Variants in TMCC3 observed in about 807,000 individuals in gnomAD.
The protein encoded by TMCC3 is transmembrane and coiled-coil domain protein 3.
In TMCC3, 28 loss-of-function variants were observed where a neutral mutation model predicts 40.2. The ratio of observed to expected loss-of-function variants is 0.70; its 90% confidence interval spans 0.52 to 0.95. The LOEUF (loss-of-function observed/expected upper bound fraction) is 0.95. Among genes scored for constraint, TMCC3 ranks in the 40% least tolerant of loss-of-function variants. The pLI is 0.00. For missense variants in TMCC3, 554 were observed against 615.2 expected (o/e 0.90, Z 1.05); for synonymous variants, 255 against 248.5 (o/e 1.03, Z -0.25).
chr12:94,621,027 C>T (rs1478351726), intron 1 of TMCC3, among the ~76,000 whole-genome samples: 2 of 152,108 alleles, frequency 1.3e-5, no homozygotes, highest in African/African-American at 4.8e-5. Context: ...ATGCCCAGGC[C>T]CTATGAAGGA....
intron 1 of TMCC3, among the ~76,000 whole-genome samples, chr12:94,596,340 G>A (rs1048950059): frequency 3.3e-5 from 5 of 152,188 alleles, no homozygotes. Context: ...CTAATGTCTA[G>A]TTTTTAACCT....
intron 1 of TMCC3, among the ~76,000 whole-genome samples, chr12:94,633,024 T>C (rs2068941635): frequency 6.6e-6 from 1 of 152,092 alleles, no homozygotes; most frequent in Non-Finnish European, 1.5e-5. Flanking sequence ...GAGAATCACT[T>C]GAACCTGAAA....
intron 1 of TMCC3, chr12:94,616,456 A>G (rs2138864575): frequency 6.5e-6 from 1 of 152,718 alleles, no homozygotes; most frequent in Admixed American, 6.5e-5. Flanking sequence ...GAAGTGGCTT[A>G]AAGACAGTGA....
chr12:94,650,306 C>G (rs2069048857), intron 1 of TMCC3, 47 bp downstream of exon 1: 1 of 1,182,456 alleles, frequency 8.5e-7, no homozygotes, highest in Non-Finnish European at 1.1e-6. Flanking sequence ...GCCCGCCTCG[C>G]CCCCGGGCCC....
chr12:94,572,712 C>T (rs111315784), intron 3 of TMCC3, among the ~76,000 whole-genome samples: 19 of 152,334 alleles, frequency 1.2e-4, no homozygotes, highest in African/African-American at 3.8e-4. Flanking sequence ...TTTGTGACTA[C>T]TCCACCTTTC....
chr12:94,571,687 C>T lies in TMCC3; in HGVS notation c.1182G>A (p.Gln394=). ...QTRISKLELH[Q]QEQQALQTDT... is the part of the protein sequence containing the mutation. ...CTGTCTGCAGAGCTTGCTGCTCTTGCTGGTGGAGCTCCAGCTTAGAAATGC... is the reference window on the plus strand; with the variant it reads ...CTGTCTGCAGAGCTTGCTGCTCTTGTTGGTGGAGCTCCAGCTTAGAAATGC... The change falls in exon 4 of 4, where the codon CAG becomes CAA. Residue 394 remains glutamine, a synonymous_variant. Transcript: ENST00000261226. 2 of 1,614,164 alleles carry T rather than the reference C, an allele frequency of 1.2e-6. No individual in the cohort carries two copies. Among genetic ancestry groups the T allele is most frequent in the Non-Finnish European group, 1.7e-6 (2 of 1,180,022 alleles).
Position 94,650,391 on chromosome 12 carries a change from A to G in TMCC3, c.40T>C (p.Tyr14His), listed in dbSNP as rs1432078521. 7.4e-7 allele frequency: 1 copy of G among 1,342,806 alleles called. No individual in the cohort carries two copies. Among genetic ancestry groups the G allele is most frequent in the Non-Finnish European group, 9.6e-7 (1 of 1,039,902 alleles). The allele number at this position is 1,342,806 out of a possible 1,614,324, so 83.2% of individuals were successfully genotyped here. The stretch of plus-strand genomic sequence containing the variant: ...CGGTGGTGCCGGCCGGGGTACGAGT[A>G]GGTCCGGTCCACGGTGAGCGCCGTG... ...SDTALTVDRT[Y>H]SYPGRHHRCK... is the part of the protein sequence containing the mutation. Residue 14 changes from tyrosine (Y) to histidine (H), a missense_variant, in exon 1 of 4, where the codon TAC (tyrosine) becomes CAC (histidine). Coordinates refer to ENST00000261226, the MANE Select transcript of TMCC3 (RefSeq NM_020698.4).
At chr12:94,635,458 G>A (rs1466785986) in intron 1 of TMCC3, among the ~76,000 whole-genome samples, 1 of 152,146 alleles carries the variant, frequency 6.6e-6, no homozygotes, top group East Asian at 1.9e-4. Context: ...TACCATAACA[G>A]TGTTTGCAAA....
intron 1 of TMCC3, among the ~76,000 whole-genome samples, chr12:94,589,590 T>C (rs2068659640): frequency 6.6e-6 from 1 of 152,234 alleles, no homozygotes. Flanking sequence ...ATTATTACTA[T>C]TTTATAAACT....
At chr12:94,607,878 C>G (rs2068792855) in intron 1 of TMCC3, among the ~76,000 whole-genome samples, 1 of 152,218 alleles carries the variant, frequency 6.6e-6, no homozygotes, top group Non-Finnish European at 1.5e-5. Context: ...TCATTCAACT[C>G]AGGATATCAC....
At chr12:94,608,959 C>G (rs748819656) in intron 1 of TMCC3, among the ~76,000 whole-genome samples, 5 of 152,174 alleles carry the variant, frequency 3.3e-5, no homozygotes, top group African/African-American at 1.2e-4. Context: ...TTGGGCCAGG[C>G]GCTGTGGCCC....
chr12:94,618,682 T>C (rs1233629070), intron 1 of TMCC3, among the ~76,000 whole-genome samples: 3 of 152,198 alleles, frequency 2.0e-5, no homozygotes, highest in Admixed American at 6.5e-5. Context: ...CGCTCACATA[T>C]GTAGTCTGAA....
rs77942780 is a variant in TMCC3, at chr12:94,644,568, C to T, written c.78+5785G>A. 174 of 262,704 alleles carry T rather than the reference C, an allele frequency of 6.6e-4. 1 individual carries two copies. Among genetic ancestry groups the T allele is most frequent in the Non-Finnish European group, 9.3e-4 (157 of 169,288 alleles). 16.3% of individuals were successfully genotyped at this position (262,704 alleles called of 1,614,324 possible). A position where few individuals can be genotyped will look rare whatever the true frequency, so the allele number is the denominator to read the frequency against. On this transcript the variant is annotated intron_variant, in intron 1 of 3. Transcript: ENST00000261226. ...GAAAAGCCTGCAACAAAGTACAGCT[C>T]GAAAAACACACACCGCATCACTTTG...
chr12:94,609,382 C>A (rs1199909121), intron 1 of TMCC3, among the ~76,000 whole-genome samples: 1 of 152,048 alleles, frequency 6.6e-6, no homozygotes, highest in Non-Finnish European at 1.5e-5. Flanking sequence ...TCCCTATTTA[C>A]CAAAACCCAG....
chr12:94,597,120 A>AATATATATATATATATATATATAT (rs768080145), intron 1 of TMCC3, among the ~76,000 whole-genome samples: 5 of 5,486 alleles, frequency 9.1e-4, no homozygotes, highest in African/African-American at 1.8e-3. Flanking sequence ...TCTCTATTAA[A>AATATATATATATATATATATATAT]ATACATATAT....
chr12:94,592,899 AG>A (rs1485731702), intron 1 of TMCC3, among the ~76,000 whole-genome samples: 5 of 152,006 alleles, frequency 3.3e-5, no homozygotes, highest in African/African-American at 1.2e-4. Context: ...TACTGTAATT[AG>A]AGATAATTAT....
At chr12:94,636,608 T>C (rs922260188) in intron 1 of TMCC3, among the ~76,000 whole-genome samples, 4 of 152,248 alleles carry the variant, frequency 2.6e-5, no homozygotes, top group Admixed American at 2.6e-4. Context: ...AATCAGTTGA[T>C]TTTAATTAAT....
intron 1 of TMCC3, among the ~76,000 whole-genome samples, chr12:94,603,657 C>A (rs971023813): frequency 6.6e-6 from 1 of 152,078 alleles, no homozygotes; most frequent in Non-Finnish European, 1.5e-5. Flanking sequence ...GTAGGTGGCA[C>A]CAGGGAGCAC....
At position 94,570,846 on chromosome 12, in the gene TMCC3, A is replaced by G. The variant is rs1240788822; in HGVS notation, c.*589T>C. 1 of 152,852 alleles carries G rather than the reference A, an allele frequency of 6.5e-6. No homozygotes were observed. Among genetic ancestry groups the G allele is most frequent in the Non-Finnish European group, 1.5e-5 (1 of 68,234 alleles). The allele number at this position is 152,852 out of a possible 1,614,324, so 9.5% of individuals were successfully genotyped here. A position where few individuals can be genotyped will look rare whatever the true frequency, so the allele number is the denominator to read the frequency against. On this transcript the variant is annotated 3_prime_UTR_variant, in exon 4 of 4. Transcript: ENST00000261226. ...AAAACCCCTCAGGTAGACTTGTTGG[A>G]TAACAGGTGTGTGATAAGATTTCCA...
Sources: gnomAD v4.1 joint callset for allele counts (sites outside exome capture counted in the v4.1 genomes callset) on GRCh38, gnomAD v4.1.1 for gene constraint, MANE v1.5 for transcripts, NCBI Gene and HGNC (gene_info 2026-07-23, HGNC 2026-07-21) for gene names.